Variants in ZBTB20 observed in about 807,000 individuals in gnomAD.
ZBTB20 encodes the protein zinc finger and BTB domain containing 20.
A neutral mutation model predicts 56.9 loss-of-function variants in ZBTB20; 9 were observed. The ratio of observed to expected loss-of-function variants is 0.16; its 90% confidence interval spans 0.10 to 0.28. The LOEUF (loss-of-function observed/expected upper bound fraction) is 0.28, where lower values mean the gene tolerates loss of function less well. Among genes scored for constraint, ZBTB20 ranks in the 10% least tolerant of loss-of-function variants. ZBTB20 has a pLI of 1.00. For synonymous variants in ZBTB20, 417 were observed against 420.7 expected (o/e 0.99, Z 0.11); for missense variants, 655 against 1,003.0 (o/e 0.65, Z 4.69).
At chr3:114,472,374 T>G (rs546788649) in intron 7 of ZBTB20, among the ~76,000 whole-genome samples, 39 of 152,240 alleles carry the variant, frequency 2.6e-4, no homozygotes, top group African/African-American at 9.4e-4. Context: ...GGGTCCTCCC[T>G]GGGAAAAAGG....
chr3:114,865,061 ATC>A (rs2075709297), intron 4 of ZBTB20, among the ~76,000 whole-genome samples: 2 of 152,140 alleles, frequency 1.3e-5, no homozygotes, highest in Non-Finnish European at 2.9e-5. Context: ...TGAAAAACGA[ATC>A]AGAAATTTTC....
At chr3:114,523,526 G>A (rs944525609) in intron 6 of ZBTB20, among the ~76,000 whole-genome samples, 2 of 152,172 alleles carry the variant, frequency 1.3e-5, no homozygotes, top group African/African-American at 2.4e-5. Flanking sequence ...GAGAAAATTT[G>A]ATAAAACAGA....
At chr3:115,026,083 A>T (rs2080410642) in intron 2 of ZBTB20, among the ~76,000 whole-genome samples, 1 of 151,018 alleles carries the variant, frequency 6.6e-6, no homozygotes, top group Non-Finnish European at 1.5e-5. Context: ...ATCTAACAAC[A>T]TTTAATGAGA....
intron 6 of ZBTB20, among the ~76,000 whole-genome samples, chr3:114,653,851 T>C (rs2060257984): frequency 6.6e-6 from 1 of 151,968 alleles, no homozygotes; most frequent in South Asian, 2.1e-4. Context: ...GTTTTGTTAA[T>C]ATGTTTTTAA....
intron 6 of ZBTB20, among the ~76,000 whole-genome samples, chr3:114,589,788 G>T (rs1577797632): frequency 6.6e-6 from 1 of 152,266 alleles, no homozygotes; most frequent in East Asian, 1.9e-4. Context: ...TCAGTTCCTA[G>T]AAAAGTGCTT....
chr3:114,987,298 C>T (rs2078589386), intron 2 of ZBTB20, among the ~76,000 whole-genome samples: 1 of 152,016 alleles, frequency 6.6e-6, no homozygotes, highest in South Asian at 2.1e-4. Flanking sequence ...AAACAAGAAT[C>T]AGGCTTTTGA....
intron 5 of ZBTB20, among the ~76,000 whole-genome samples, chr3:114,741,751 G>T (rs1458791452): frequency 1.3e-4 from 20 of 151,640 alleles, no homozygotes; most frequent in Non-Finnish European, 4.4e-5. Flanking sequence ...GCATGGTGGT[G>T]GGCACCTGTA....
At chr3:114,591,909 G>A (rs1487486281) in intron 6 of ZBTB20, among the ~76,000 whole-genome samples, 2 of 152,126 alleles carry the variant, frequency 1.3e-5, no homozygotes, top group Non-Finnish European at 2.9e-5. Flanking sequence ...CAACCATTTA[G>A]AAGTTCTGGT....
At chr3:114,415,250 G>T (rs2088418575) in intron 7 of ZBTB20, among the ~76,000 whole-genome samples, 1 of 152,086 alleles carries the variant, frequency 6.6e-6, no homozygotes, top group Non-Finnish European at 1.5e-5. Context: ...CTGAACTAAA[G>T]GAACTATCAG....
At chr3:114,770,343 G>A (rs1031960922) in intron 5 of ZBTB20, among the ~76,000 whole-genome samples, 1 of 151,614 alleles carries the variant, frequency 6.6e-6, no homozygotes, top group Admixed American at 6.6e-5. Flanking sequence ...AGGAGGCTGA[G>A]GCAGGAAAAT....
chr3:114,504,532 T>C (rs1441801564), intron 6 of ZBTB20, among the ~76,000 whole-genome samples: 3 of 152,350 alleles, frequency 2.0e-5, no homozygotes, highest in East Asian at 1.9e-4. Context: ...TTCAATGTTA[T>C]ACCAAAAAGA....
chr3:114,988,400 C>T (rs2078648648), intron 2 of ZBTB20, among the ~76,000 whole-genome samples: 1 of 151,928 alleles, frequency 6.6e-6, no homozygotes, highest in East Asian at 1.9e-4. Context: ...TGGTTTCCAG[C>T]TTCATCCATG....
intron 6 of ZBTB20, among the ~76,000 whole-genome samples, chr3:114,640,384 T>A (rs1324630681): frequency 6.6e-6 from 1 of 152,102 alleles, no homozygotes; most frequent in Non-Finnish European, 1.5e-5. Context: ...AGTGTGAGAC[T>A]GAATCATTCA....
At chr3:115,114,728 AT>A (rs142884959) in intron 1 of ZBTB20, among the ~76,000 whole-genome samples, 5,018 of 152,238 alleles carry the variant, frequency 0.033, 228 homozygotes, top group African/African-American at 0.091. Flanking sequence ...AACATTCAAT[AT>A]GAAATGTTTT....
At chr3:114,595,808 C>T (rs902461885) in intron 6 of ZBTB20, among the ~76,000 whole-genome samples, 5 of 152,144 alleles carry the variant, frequency 3.3e-5, no homozygotes, top group Admixed American at 3.3e-4. Context: ...TCACAAGATA[C>T]GGTCAAGGTT....
intron 7 of ZBTB20, among the ~76,000 whole-genome samples, chr3:114,455,060 GGAGA>G (rs541643450): frequency 1.3e-4 from 18 of 137,796 alleles, no homozygotes; most frequent in East Asian, 8.7e-4. Context: ...GAGAGGGGGG[GGAGA>G]GAGAGAGAGA....
At chr3:115,055,850 T>A (rs2081759138) in intron 2 of ZBTB20, among the ~76,000 whole-genome samples, 1 of 152,082 alleles carries the variant, frequency 6.6e-6, no homozygotes, top group Non-Finnish European at 1.5e-5. Flanking sequence ...AAATTAATTA[T>A]AGAGAACAGT....
intron 6 of ZBTB20, among the ~76,000 whole-genome samples, chr3:114,615,802 G>C (rs185714078): frequency 2.6e-5 from 4 of 152,200 alleles, no homozygotes. Context: ...GAGTCCCCTG[G>C]AGGTGGCGAT....
rs75782372 is a variant in ZBTB20 at position 114,866,695 on chromosome 3, G to A, written c.-417+33609C>T. On this transcript the variant is annotated intron_variant, in intron 4 of 11. Transcript: ENST00000675478. ...AATAGGGAATTTCTCCTGCTTGACA[G>A]CCTTTGAGCTGGAACATTCCTTTTT... Among the ~76,000 whole-genome samples, 161 of 152,284 alleles carry A rather than the reference G, an allele frequency of 1.1e-3. 1 individual carries two copies. The East Asian group carries it at 0.027, about 26-fold the overall frequency.
Sources: allele counts gnomAD v4.1 joint callset (sites outside exome capture counted in the v4.1 genomes callset), GRCh38; gene constraint gnomAD v4.1.1; transcripts MANE v1.5; gene names NCBI Gene and HGNC (gene_info 2026-07-23, HGNC 2026-07-21).